The following CACNA1E variants were observed in gnomAD, a reference collection of about 807,000 sequenced individuals.
CACNA1E encodes voltage-dependent R-type calcium channel subunit alpha-1E.
In CACNA1E, 40 loss-of-function variants were observed where a neutral mutation model predicts 259.2. That is an observed-to-expected ratio of 0.15 (90% confidence interval 0.12 to 0.20). The LOEUF (loss-of-function observed/expected upper bound fraction) is 0.20, where lower values mean the gene tolerates loss of function less well. Ranked by LOEUF, CACNA1E falls within the 10% of genes least tolerant of loss-of-function variation. The pLI, the probability that CACNA1E is intolerant of heterozygous loss-of-function variation, is 1.00. For synonymous variants in CACNA1E, 1,104 were observed against 1,138.5 expected (o/e 0.97, Z 0.61); for missense variants, 1,874 against 3,040.1 (o/e 0.62, Z 9.02).
chr1:181,693,613 C>G (rs2102336386), intron 7 of CACNA1E, among the ~76,000 whole-genome samples: 1 of 152,140 alleles, frequency 6.6e-6, no homozygotes, highest in East Asian at 1.9e-4. Flanking sequence ...ATTGGGCACT[C>G]ATGGACATAA....
rs140698305 is a variant in CACNA1E, at chr1:181,711,448, C to T, written c.1171+379C>T. Among the ~76,000 whole-genome samples, 311 of 152,342 alleles carry T rather than the reference C, an allele frequency of 2.0e-3. 1 individual carries two copies. The highest frequency in any genetic ancestry group is 7.1e-3 in the African/African-American group (294 of 41,568). On this transcript the variant is annotated intron_variant, in intron 8 of 47. Transcript: ENST00000367573. ...TTTGTGCCAGACCCTGTTCTAAGCA[C>T]TTGGGATATGGCAGTGAGCCAAACA...
At chr1:181,744,660 T>G (rs556383909) in intron 25 of CACNA1E, among the ~76,000 whole-genome samples, 91 of 152,350 alleles carry the variant, frequency 6.0e-4, no homozygotes, top group African/African-American at 2.1e-3. Context: ...CCTATGGGTC[T>G]TCTTTCTTGA....
intron 1 of CACNA1E, 46 bp downstream of exon 1, chr1:181,484,056 C>A (rs754897304): frequency 6.3e-7 from 1 of 1,578,432 alleles, no homozygotes; most frequent in Non-Finnish European, 8.7e-7. Context: ...CTTTGCATTT[C>A]TTCGGGTGAA....
intron 36 of CACNA1E, 51 bp from the exon 37 acceptor site, chr1:181,772,015 G>C: frequency 6.4e-7 from 1 of 1,552,428 alleles, no homozygotes; most frequent in Non-Finnish European, 8.8e-7. Flanking sequence ...CCAAGAATAT[G>C]ATAGGATCTG....
chr1:181,639,065 A>G (rs1319407475), intron 6 of CACNA1E, among the ~76,000 whole-genome samples: 1 of 151,930 alleles, frequency 6.6e-6, no homozygotes, highest in East Asian at 1.9e-4. Flanking sequence ...ACCTGGTCCA[A>G]TGTCCAGCTT....
At chr1:181,435,950 A>G (rs1055015691) in intron 2 of CACNA1E, among the ~76,000 whole-genome samples, 3 of 131,738 alleles carry the variant, frequency 2.3e-5, no homozygotes, top group Non-Finnish European at 3.3e-5. Flanking sequence ...CACAGAGAAA[A>G]TATTTCCAAA....
intron 13 of CACNA1E, 81 bp from the exon 14 acceptor site, chr1:181,720,125 T>A: frequency 6.7e-7 from 1 of 1,497,618 alleles, no homozygotes; most frequent in Non-Finnish European, 9.2e-7. Context: ...TTTCATAGAC[T>A]ACCAGGCATA....
At chr1:181,474,213 T>C (rs924464413) in intron 2 of CACNA1E, among the ~76,000 whole-genome samples, 8 of 152,208 alleles carry the variant, frequency 5.3e-5, no homozygotes, top group Non-Finnish European at 1.0e-4. Context: ...AAGAATATTA[T>C]TGAAAAATAT....
At chr1:181,789,564 A>C (rs1034058235) in intron 43 of CACNA1E, among the ~76,000 whole-genome samples, 6 of 152,008 alleles carry the variant, frequency 3.9e-5, no homozygotes, top group Admixed American at 6.6e-5. Flanking sequence ...ATAATCTGGA[A>C]GCTCACTCTG....
At chr1:181,525,979 T>C (rs1667329778) in intron 3 of CACNA1E, among the ~76,000 whole-genome samples, 1 of 152,174 alleles carries the variant, frequency 6.6e-6, no homozygotes, top group Non-Finnish European at 1.5e-5. Context: ...CCCAAATTTT[T>C]CAGCCTCCTT....
chr1:181,685,178 CAT>C (rs1491303658), intron 7 of CACNA1E, among the ~76,000 whole-genome samples: 1 of 72,998 alleles, frequency 1.4e-5, no homozygotes, highest in East Asian at 3.4e-4. Context: ...ACAAAGGAAA[CAT>C]TTTTTTTTTT....
intron 7 of CACNA1E, among the ~76,000 whole-genome samples, chr1:181,703,796 C>T (rs781134440): frequency 2.0e-5 from 3 of 149,296 alleles, no homozygotes; most frequent in Non-Finnish European, 3.0e-5. Flanking sequence ...CTTAGTTTCC[C>T]TGCTTATGGA....
intron 7 of CACNA1E, among the ~76,000 whole-genome samples, chr1:181,658,834 C>T (rs913378621): frequency 6.6e-6 from 1 of 152,018 alleles, no homozygotes; most frequent in South Asian, 2.1e-4. Context: ...ATCATTCTGA[C>T]CTGGTTTCTT....
intron 25 of CACNA1E, chr1:181,745,351 C>G: frequency 2.1e-6 from 1 of 483,768 alleles, no homozygotes; most frequent in Non-Finnish European, 4.0e-6. Context: ...TTTTAATTAA[C>G]AGCATGAAAT....
intron 2 of CACNA1E, among the ~76,000 whole-genome samples, chr1:181,476,637 G>A (rs140115912): frequency 3.3e-5 from 5 of 152,316 alleles, no homozygotes; most frequent in African/African-American, 1.2e-4. Flanking sequence ...TACCTGACAC[G>A]TGGAAGGTGC....
upstream of CACNA1E, among the ~76,000 whole-genome samples, chr1:181,480,028 G>T (rs1030453113): frequency 6.6e-6 from 1 of 152,180 alleles, no homozygotes; most frequent in African/African-American, 2.4e-5. Context: ...AATGGCTCAT[G>T]CTAGCACTTT....
At chr1:181,569,927 G>C (rs1650237043) in intron 3 of CACNA1E, among the ~76,000 whole-genome samples, 1 of 152,194 alleles carries the variant, frequency 6.6e-6, no homozygotes, top group African/African-American at 2.4e-5. Flanking sequence ...AGAACTGTAT[G>C]TAATTGGGAG....
Position 181,739,133 on chromosome 1 carries a change from A to G in CACNA1E, c.3613-14A>G, listed in dbSNP as rs775119340. 2 of 1,533,186 alleles carry G rather than the reference A, an allele frequency of 1.3e-6. No individual in the cohort carries two copies. The highest frequency in any genetic ancestry group is 2.2e-5 in the South Asian group (2 of 89,390). The allele number at this position is 1,533,186 out of a possible 1,614,324, so 95.0% of individuals were successfully genotyped here. On this transcript the variant is annotated splice_polypyrimidine_tract_variant and intron_variant, in intron 24 of 47. Coordinates refer to ENST00000367573, the MANE Select transcript of CACNA1E (RefSeq NM_001205293.3). The stretch of plus-strand genomic sequence containing the variant: ...CTTTCTTGGCTCACTGTGGCTGTTC[A>G]TATCCTTCTGCAGATGATAGACCAA...
rs368969096 is a variant in CACNA1E at position 181,736,262 on chromosome 1, G to T, written c.3263-13G>T. The T allele has an allele frequency of 6.4e-7, 1 of 1,573,234 alleles. No homozygotes were observed. The highest frequency in any genetic ancestry group is 8.6e-7 in the Non-Finnish European group (1 of 1,158,680). The stretch of plus-strand genomic sequence containing the variant: ...TCATGATTTCTGAAGATTTCAACGT[G>T]TTCCTCTTGCAGTTAGCAACAAGAC... On this transcript the variant is annotated splice_polypyrimidine_tract_variant and intron_variant, in intron 21 of 47. Transcript: ENST00000367573.
Sources: gnomAD v4.1 joint callset for allele counts (sites outside exome capture counted in the v4.1 genomes callset) on GRCh38, gnomAD v4.1.1 for gene constraint, MANE v1.5 for transcripts, NCBI Gene and HGNC (gene_info 2026-07-23, HGNC 2026-07-21) for gene names.